CKMT2: variants seen among roughly 807,000 people sequenced by gnomAD.
CKMT2 encodes creatine kinase S-type, mitochondrial.
A neutral mutation model predicts 48.9 loss-of-function variants in CKMT2; 43 were observed. That is an observed-to-expected ratio of 0.88 (90% CI 0.69 to 1.13). CKMT2 has a LOEUF of 1.13. Among genes scored for constraint, CKMT2 ranks in the 50% most tolerant of loss-of-function variants. The probability of loss-of-function intolerance (pLI) is 0.00; values close to 1 mark genes in which losing one functional copy is unlikely to be tolerated. For missense variants in CKMT2, 472 were observed against 555.4 expected, an observed-to-expected ratio of 0.85 and a Z score of 1.51; for synonymous variants, 206 against 213.0, an observed-to-expected ratio of 0.97 and a Z score of 0.29.
At position 81,259,164 on chromosome 5, in the gene CKMT2, T is replaced by A. The variant is rs931007131; in HGVS notation, c.924T>A (p.Asn308Lys). ...IQERGWEFMW[N>K]ERLGYILTCP... ...AACGAGGCTGGGAGTTCATGTGGAA[T>A]GAGCGCCTAGGATACATTTTGACCT... Residue 308 changes from asparagine (N) to lysine (K), a missense_variant, in exon 8 of 10, where the codon AAT becomes AAA. Asn to Lys is a moderately conservative substitution (Grantham distance 94, BLOSUM62 0). Coordinates refer to ENST00000254035, the MANE Select transcript of CKMT2 (RefSeq NM_001099735.2). 3 of 1,614,046 alleles carry A rather than the reference T, an allele frequency of 1.9e-6. No individual in the cohort carries two copies. The highest frequency in any genetic ancestry group is 2.5e-6 in the Non-Finnish European group (3 of 1,179,946).
At position 81,255,099 on chromosome 5, in the gene CKMT2, G is replaced by A. The variant is rs374325893; in HGVS notation, c.554G>A (p.Arg185Gln). Residue 185 changes from arginine to glutamine, a missense_variant, in exon 5 of 10, where the codon CGA becomes CAA. Transcript: ENST00000254035. ...CCTCCAGCCTGCACCCGGGCCGAGCGAAGGGAGGTAGAGAACGTGGCCATC... is the reference window on the plus strand; with the variant it reads ...CCTCCAGCCTGCACCCGGGCCGAGCAAAGGGAGGTAGAGAACGTGGCCATC... ...SLPPACTRAE[R>Q]REVENVAITA... The A allele has an allele frequency of 7.4e-6, 12 of 1,613,978 alleles. No individual in the cohort carries two copies. The highest frequency in any genetic ancestry group is 1.1e-5 in the South Asian group (1 of 91,086).
At chr5:81,236,074 G>A (rs1756234148) in intron 1 of CKMT2, 1 of 152,326 alleles carries the variant, frequency 6.6e-6, no homozygotes, top group Admixed American at 6.5e-5. Context: ...TAGAGTCAGA[G>A]TGGAGCGGGC....
rs1042613615 is a variant in CKMT2, at chr5:81,255,036, G to A, written c.491G>A (p.Arg164Gln). 21 of 1,613,824 alleles carry A rather than the reference G, an allele frequency of 1.3e-5. No individual in the cohort carries two copies. Among genetic ancestry groups the A allele is most frequent in the South Asian group, 2.2e-5 (2 of 91,084 alleles). ...QFDEHYVLSS[R>Q]VRTGRSIRGL... Reference sequence around the variant, plus strand: ...GACGAGCATTACGTGCTGTCTTCTCGGGTGCGCACTGGCCGCAGCATCCGT... The same window carrying A: ...GACGAGCATTACGTGCTGTCTTCTCAGGTGCGCACTGGCCGCAGCATCCGT... Residue 164 changes from arginine to glutamine, a missense_variant, in exon 5 of 10, where the codon CGG becomes CAG. Transcript: ENST00000254035.
At chr5:81,233,928 C>A (rs938747020) in intron 1 of CKMT2, among the ~76,000 whole-genome samples, 1 of 149,770 alleles carries the variant, frequency 6.7e-6, no homozygotes, top group Non-Finnish European at 1.5e-5. Flanking sequence ...GCTAGAGATT[C>A]AGTTTTGCCG....
rs938060153 is a variant in CKMT2, at chr5:81,247,592, G to A, written c.-20-3521G>A. ...AAGAGAGATTTAGTTTAGTCATGAGGAAAAGTGATTTCATTGCAAGCCTTG... is the reference window on the plus strand; with the variant it reads ...AAGAGAGATTTAGTTTAGTCATGAGAAAAAGTGATTTCATTGCAAGCCTTG... On this transcript the variant is annotated intron_variant, in intron 1 of 9. Transcript: ENST00000254035. Among the ~76,000 whole-genome samples the A allele has an allele frequency of 3.0e-4, 45 of 152,200 alleles. 1 individual carries two copies. The highest frequency in any genetic ancestry group is 1.2e-4 in the Non-Finnish European group (8 of 68,024).
intron 7 of CKMT2, among the ~76,000 whole-genome samples, chr5:81,258,217 T>TGAGCCACCA (rs1757084043): frequency 6.7e-6 from 1 of 150,324 alleles, no homozygotes; most frequent in South Asian, 2.1e-4. Flanking sequence ...ATTTTTTGGA[T>TGAGCCACCA]GAGCCACCAC....
At chr5:81,244,247 G>C (rs1045813352) in intron 1 of CKMT2, 1 of 946,048 alleles carries the variant, frequency 1.1e-6, no homozygotes, top group Admixed American at 6.2e-5. Flanking sequence ...CATAGAAATC[G>C]CAAGATATAA....
intron 1 of CKMT2, among the ~76,000 whole-genome samples, 173 bp from the exon 2 acceptor site, chr5:81,250,940 A>AACAAACACACACAC (rs1756783490): frequency 7.5e-6 from 1 of 132,998 alleles, no homozygotes; most frequent in Non-Finnish European, 1.6e-5. Flanking sequence ...AGAAATAGAA[A>AACAAACACACACAC]ACACACACAC....
At chr5:81,236,341 G>A (rs1756243513) in intron 1 of CKMT2, among the ~76,000 whole-genome samples, 2 of 152,018 alleles carry the variant, frequency 1.3e-5, no homozygotes, top group South Asian at 2.1e-4. Context: ...GAGGTGCTGC[G>A]GTCTGCAAGG....
At chr5:81,260,004 G>A (rs1038629067) in intron 8 of CKMT2, among the ~76,000 whole-genome samples, 3 of 151,958 alleles carry the variant, frequency 2.0e-5, no homozygotes, top group South Asian at 2.1e-4. Context: ...GCAAAAGAAC[G>A]GATATCATAA....
At position 81,251,138 on chromosome 5, in the gene CKMT2, C is replaced by G. The variant is rs372747868; in HGVS notation, c.6C>G (p.Ala2=). Residue 2 remains alanine, a synonymous_variant, in exon 2 of 10, where the codon GCC becomes GCG. Coordinates refer to ENST00000254035, the MANE Select transcript of CKMT2 (RefSeq NM_001099735.2). The stretch of plus-strand genomic sequence containing the variant: ...ACACTCATCCAAGAGGAAGGATGGC[C>G]AGTATCTTTTCTAAGTTGCTAACTG... The part of the protein sequence containing the change: M[A]SIFSKLLTGR... 1.2e-6 allele frequency: 2 copies of G among 1,613,678 alleles called. No individual in the cohort carries two copies. The highest frequency in any genetic ancestry group is 1.7e-6 in the Non-Finnish European group (2 of 1,179,854).
intron 1 of CKMT2, among the ~76,000 whole-genome samples, chr5:81,234,987 A>G (rs939190351): frequency 3.3e-5 from 5 of 152,168 alleles, no homozygotes; most frequent in African/African-American, 7.2e-5. Flanking sequence ...TGGAGGTCAC[A>G]CTAACCCTTG....
chr5:81,256,817 A>AGCCATGATAAGTG (rs1405018565), intron 5 of CKMT2, 98 bp from the exon 6 acceptor site: 56 of 783,398 alleles, frequency 7.1e-5, no homozygotes. Flanking sequence ...AAGAGACAGC[A>AGCCATGATAAGTG]GCCATGATAA....
intron 9 of CKMT2, among the ~76,000 whole-genome samples, chr5:81,264,307 G>A (rs1312282615): frequency 6.6e-6 from 1 of 152,138 alleles, no homozygotes; most frequent in Non-Finnish European, 1.5e-5. Context: ...CAGCCTATCT[G>A]GATGTGGTCC....
At chr5:81,246,055 A>C (rs1306549676) in intron 1 of CKMT2, among the ~76,000 whole-genome samples, 4 of 151,612 alleles carry the variant, frequency 2.6e-5, no homozygotes, top group Non-Finnish European at 5.9e-5. Flanking sequence ...TCAGCACCTT[A>C]TCTCTCACCT....
chr5:81,259,840 G>A (rs1191518669), intron 8 of CKMT2, among the ~76,000 whole-genome samples: 5 of 152,156 alleles, frequency 3.3e-5, no homozygotes. Context: ...AGGATATGCA[G>A]GACTTGAACT....
chr5:81,240,599 G>C (rs186744961), intron 1 of CKMT2, among the ~76,000 whole-genome samples: 27 of 152,306 alleles, frequency 1.8e-4, no homozygotes, highest in East Asian at 1.5e-3. Context: ...TGTAATATTT[G>C]TATGGTAAAC....
intron 8 of CKMT2, among the ~76,000 whole-genome samples, chr5:81,262,672 C>A (rs1757264691): frequency 6.6e-6 from 1 of 151,636 alleles, no homozygotes; most frequent in Non-Finnish European, 1.5e-5. Context: ...ATTAAAAAGT[C>A]AGGAAACAGT....
chr5:81,257,978 C>G, intron 7 of CKMT2, 122 bp downstream of exon 7: 1 of 878,956 alleles, frequency 1.1e-6, no homozygotes, highest in South Asian at 2.0e-5. Context: ...GAAATCAAAG[C>G]AACTGCCGCC....
Sources: gnomAD v4.1 joint callset for allele counts (sites outside exome capture counted in the v4.1 genomes callset) on GRCh38, gnomAD v4.1.1 for gene constraint, MANE v1.5 for transcripts, NCBI Gene and HGNC (gene_info 2026-07-23, HGNC 2026-07-21) for gene names.